Variants in TRPC5 observed in about 807,000 individuals in gnomAD.
TRPC5 encodes the protein short transient receptor potential channel 5.
A neutral mutation model predicts 56.5 loss-of-function variants in TRPC5; 9 were observed. The ratio of observed to expected loss-of-function variants is 0.16; its 90% CI spans 0.10 to 0.28. The LOEUF (loss-of-function observed/expected upper bound fraction) is 0.28. TRPC5 is among the 10% of genes least tolerant of loss of function. TRPC5 has a pLI of 1.00. For synonymous variants in TRPC5, 282 were observed against 278.5 expected (o/e 1.01, Z -0.13); for missense variants, 469 against 748.9 (o/e 0.63, Z 4.36).
At chrX:112,067,421 C>T (rs973263299) in intron 1 of TRPC5, among the ~76,000 whole-genome samples, 14 of 112,532 alleles carry the variant, frequency 1.2e-4, no homozygotes, top group South Asian at 3.7e-4. Context: ...ATTTATTCCT[C>T]GAGACAACTA....
At chrX:112,042,515 C>A (rs199593545) in intron 1 of TRPC5, among the ~76,000 whole-genome samples, 1 of 111,361 alleles carries the variant, frequency 9.0e-6, no homozygotes, top group East Asian at 2.8e-4. Context: ...TAGAACTCAT[C>A]ACCCTTTTTA....
At chrX:111,931,239 G>T (rs1926405848) in intron 2 of TRPC5, 1 of 112,074 alleles carries the variant, frequency 8.9e-6, no homozygotes, top group Non-Finnish European at 1.9e-5. Flanking sequence ...TCATAGTAAT[G>T]ACTTCTAGGG....
At chrX:112,062,510 C>T (rs1468306614) in intron 1 of TRPC5, among the ~76,000 whole-genome samples, 2 of 111,814 alleles carry the variant, frequency 1.8e-5, no homozygotes, top group Admixed American at 1.9e-4. Context: ...ACTAGACATG[C>T]AACATATATT....
rs755832530 is a variant in TRPC5 at position 111,963,658 on chromosome X, C to T, written c.-21-11217G>A. Among the ~76,000 whole-genome samples the T allele has an allele frequency of 3.6e-5, 4 of 111,565 alleles. No individual in the cohort carries two copies. The East Asian group carries it at 1.1e-3, about 32-fold the overall frequency. On this transcript the variant is annotated intron_variant, in intron 1 of 10. Transcript: ENST00000262839. Reference sequence around the variant, plus strand: ...AGGAACAATCAGGCAGCAGCATTTGCGGTTCACCAATATCCGCTGTTCTAC... The same window carrying T: ...AGGAACAATCAGGCAGCAGCATTTGTGGTTCACCAATATCCGCTGTTCTAC...
At position 111,778,982 on chromosome X, in the gene TRPC5, T is replaced by C; in HGVS notation, c.2232+3A>G. 1 of 1,172,638 alleles carries C rather than the reference T, an allele frequency of 8.5e-7. No individual in the cohort carries two copies. The highest frequency in any genetic ancestry group is 1.2e-6 in the Non-Finnish European group (1 of 866,584). ...ATGAAAAACCACTTCATGATTAAAT[T>C]ACCTTAAAATTTTCTTCTGTAAGTC... On this transcript the variant is annotated splice_donor_region_variant and intron_variant, in intron 10 of 10. Transcript: ENST00000262839.
At chrX:111,805,165 A>T (rs888816834) in intron 7 of TRPC5, among the ~76,000 whole-genome samples, 1 of 111,759 alleles carries the variant, frequency 8.9e-6, no homozygotes, top group African/African-American at 3.3e-5. Context: ...ATTGATTTGC[A>T]TATGTTGAAC....
intron 7 of TRPC5, among the ~76,000 whole-genome samples, chrX:111,813,115 T>C (rs769965216): frequency 5.3e-5 from 6 of 112,305 alleles, no homozygotes; most frequent in Non-Finnish European, 1.1e-4. Flanking sequence ...ACTATGACTT[T>C]GGAACATTTT....
intron 1 of TRPC5, among the ~76,000 whole-genome samples, chrX:112,029,228 A>G (rs772225595): frequency 9.0e-6 from 1 of 111,497 alleles, no homozygotes; most frequent in Admixed American, 9.6e-5. Context: ...CCCACAAATA[A>G]GAGAGAATAT....
chrX:112,042,811 T>TA (rs1491286623), intron 1 of TRPC5, among the ~76,000 whole-genome samples: 1 of 81,765 alleles, frequency 1.2e-5, no homozygotes, highest in East Asian at 2.9e-4. Context: ...CTTAGCTATA[T>TA]TTTTTTTTTT....
At chrX:111,789,652 G>T (rs149317158) in intron 7 of TRPC5, among the ~76,000 whole-genome samples, 2,022 of 112,043 alleles carry the variant, frequency 0.018, 15 homozygotes, top group Non-Finnish European at 0.03. Flanking sequence ...GAGAAAATTT[G>T]TGCAATCTGC....
Position 111,880,097 on chromosome X carries a change from T to G in TRPC5, c.901-25991A>C, listed in dbSNP as rs1924140477. 2.7e-5 allele frequency among the ~76,000 whole-genome samples: 3 copies of G among 111,827 alleles called. No individual in the cohort carries two copies. The Admixed American group carries it at 2.8e-4, about 11-fold the overall frequency. On this transcript the variant is annotated intron_variant, in intron 3 of 10. Coordinates refer to ENST00000262839, the MANE Select transcript of TRPC5 (RefSeq NM_012471.3). Reference sequence around the variant, plus strand: ...ATTCATTTGTTGCTGCTTTTTTTTTTTTAACCACATGGCTATTTTCCTACA... The same window carrying G: ...ATTCATTTGTTGCTGCTTTTTTTTTGTTAACCACATGGCTATTTTCCTACA...
intron 1 of TRPC5, among the ~76,000 whole-genome samples, chrX:112,056,733 T>A (rs955544102): frequency 1.8e-5 from 2 of 112,114 alleles, no homozygotes; most frequent in African/African-American, 3.2e-5. Flanking sequence ...TCACTCTAAC[T>A]CTGTTTTTAG....
At chrX:112,015,005 C>T (rs1434591294) in intron 1 of TRPC5, among the ~76,000 whole-genome samples, 2 of 104,372 alleles carry the variant, frequency 1.9e-5, no homozygotes, top group African/African-American at 7.0e-5. Context: ...AAAATAAAGC[C>T]GCTTTTCCCT....
chrX:111,898,878 A>C (rs1362247549), intron 3 of TRPC5, among the ~76,000 whole-genome samples: 1 of 109,931 alleles, frequency 9.1e-6, no homozygotes, highest in Non-Finnish European at 1.9e-5. Flanking sequence ...CTCCTCCCCC[A>C]CCAAGGAGAA....
At chrX:112,055,483 G>T (rs1409780484) in intron 1 of TRPC5, among the ~76,000 whole-genome samples, 2 of 110,903 alleles carry the variant, frequency 1.8e-5, no homozygotes, top group Admixed American at 1.9e-4. Context: ...TCAGATTACT[G>T]CATTATGAAA....
chrX:111,845,257 G>T (rs1335505732), intron 6 of TRPC5, among the ~76,000 whole-genome samples: 1 of 111,192 alleles, frequency 9.0e-6, no homozygotes, highest in South Asian at 3.8e-4. Flanking sequence ...ATGAATGAAT[G>T]ACTGAATCCC....
At chrX:111,777,391 G>C (rs1179652694) in intron 10 of TRPC5, among the ~76,000 whole-genome samples, 1 of 110,831 alleles carries the variant, frequency 9.0e-6, no homozygotes, top group East Asian at 2.8e-4. Context: ...TCTAACGAGT[G>C]AAACTAGAAA....
At chrX:111,825,223 T>C (rs1471690711) in intron 7 of TRPC5, among the ~76,000 whole-genome samples, 9 of 78,944 alleles carry the variant, frequency 1.1e-4, no homozygotes, top group African/African-American at 4.3e-4. Context: ...TTCTTTCTTC[T>C]TTCTTTCTCT....
intron 1 of TRPC5, among the ~76,000 whole-genome samples, chrX:111,977,985 A>T (rs1208113490): frequency 1.8e-5 from 2 of 111,615 alleles, no homozygotes; most frequent in African/African-American, 3.3e-5. Flanking sequence ...GTGAGGATGT[A>T]GAGAAAGGGG....
Sources: gnomAD v4.1 joint callset for allele counts (sites outside exome capture counted in the v4.1 genomes callset) on GRCh38, gnomAD v4.1.1 for gene constraint, MANE v1.5 for transcripts, NCBI Gene and HGNC (gene_info 2026-07-23, HGNC 2026-07-21) for gene names.